PDGFD: variants seen among roughly 807,000 people sequenced by gnomAD.
The protein encoded by PDGFD is platelet-derived growth factor D.
In PDGFD, 30 loss-of-function variants were observed where a neutral mutation model predicts 44.7. The ratio of observed to expected loss-of-function variants is 0.67; its 90% CI spans 0.50 to 0.91. The LOEUF (loss-of-function observed/expected upper bound fraction) is 0.91. Ranked by LOEUF, PDGFD falls within the 40% of genes least tolerant of loss-of-function variation. The probability of loss-of-function intolerance (pLI) is 0.00; values close to 1 mark genes in which losing one functional copy is unlikely to be tolerated. For missense variants in PDGFD, 445 were observed against 457.8 expected, an observed-to-expected ratio of 0.97 and a Z score of 0.25; for synonymous variants, 173 against 168.4, an observed-to-expected ratio of 1.03 and a Z score of -0.21.
chr11:104,087,018 A>C (rs915277482), intron 1 of PDGFD, among the ~76,000 whole-genome samples: 23 of 108,372 alleles, frequency 2.1e-4, no homozygotes, highest in African/African-American at 7.7e-4. Context: ...CTAGGCTCTT[A>C]GTCTTTTTTT....
intron 3 of PDGFD, among the ~76,000 whole-genome samples, chr11:103,971,372 C>T (rs1859099258): frequency 6.6e-6 from 1 of 152,142 alleles, no homozygotes; most frequent in Non-Finnish European, 1.5e-5. Context: ...CAGAAACTTT[C>T]ATATTTATTG....
At chr11:104,162,504 A>C (rs1478092037) in intron 1 of PDGFD, among the ~76,000 whole-genome samples, 3 of 152,198 alleles carry the variant, frequency 2.0e-5, no homozygotes, top group Non-Finnish European at 2.9e-5. Context: ...ACTAAGACAG[A>C]GAGTTACCAA....
chr11:103,920,731 A>C (rs1457532133), intron 6 of PDGFD, among the ~76,000 whole-genome samples: 1 of 152,244 alleles, frequency 6.6e-6, no homozygotes, highest in Non-Finnish European at 1.5e-5. Flanking sequence ...TCATTCACCC[A>C]GTATCCCCAG....
At chr11:104,003,548 G>A (rs1164816156) in intron 1 of PDGFD, among the ~76,000 whole-genome samples, 1 of 152,242 alleles carries the variant, frequency 6.6e-6, no homozygotes, top group Non-Finnish European at 1.5e-5. Flanking sequence ...AGAAAGGAAT[G>A]TAAAAGTATT....
At chr11:104,058,459 C>G (rs1421053271) in intron 1 of PDGFD, among the ~76,000 whole-genome samples, 1 of 152,118 alleles carries the variant, frequency 6.6e-6, no homozygotes, top group Admixed American at 6.6e-5. Flanking sequence ...CAAAACACAT[C>G]CACTAAAAAG....
intron 3 of PDGFD, among the ~76,000 whole-genome samples, chr11:103,982,693 A>G (rs540166464): frequency 2.2e-4 from 34 of 151,938 alleles, no homozygotes; most frequent in Non-Finnish European, 2.6e-4. Flanking sequence ...AAAGCTTTTT[A>G]CATTGATAAA....
At chr11:104,011,081 T>G (rs934159608) in intron 1 of PDGFD, among the ~76,000 whole-genome samples, 6 of 152,142 alleles carry the variant, frequency 3.9e-5, no homozygotes, top group Non-Finnish European at 8.8e-5. Context: ...TTATAAATAT[T>G]GTCAATAATG....
intron 1 of PDGFD, among the ~76,000 whole-genome samples, chr11:104,131,980 A>G (rs1465383517): frequency 2.1e-5 from 3 of 141,680 alleles, no homozygotes; most frequent in Admixed American, 2.0e-4. Context: ...TAAAAAACAA[A>G]ACAAAACAAA....
At chr11:104,014,568 T>C (rs1257971971) in intron 1 of PDGFD, among the ~76,000 whole-genome samples, 2 of 152,180 alleles carry the variant, frequency 1.3e-5, no homozygotes, top group Non-Finnish European at 2.9e-5. Context: ...TAATCTAGAA[T>C]CTTTTTTTCA....
chr11:103,967,334 T>C (rs1859035591), intron 3 of PDGFD, among the ~76,000 whole-genome samples: 1 of 152,188 alleles, frequency 6.6e-6, no homozygotes, highest in Admixed American at 6.5e-5. Context: ...TTCTGGATAA[T>C]GTCAGTGTCC....
At chr11:104,156,699 G>A (rs1237936303) in intron 1 of PDGFD, among the ~76,000 whole-genome samples, 2 of 152,104 alleles carry the variant, frequency 1.3e-5, no homozygotes, top group African/African-American at 4.8e-5. Context: ...CATACCAGAG[G>A]GAAGATGAAG....
At chr11:104,144,948 C>G (rs1012186158) in intron 1 of PDGFD, among the ~76,000 whole-genome samples, 1 of 152,120 alleles carries the variant, frequency 6.6e-6, no homozygotes. Flanking sequence ...TAGTAAGATA[C>G]AACTTTTACT....
At chr11:103,911,252 C>T (rs572313527) in intron 6 of PDGFD, among the ~76,000 whole-genome samples, 70 of 152,260 alleles carry the variant, frequency 4.6e-4, no homozygotes, top group African/African-American at 1.6e-3. Flanking sequence ...AGGCTGCCTC[C>T]TCAAGTGGGT....
intron 5 of PDGFD, among the ~76,000 whole-genome samples, chr11:103,930,987 C>T (rs922967515): frequency 6.6e-6 from 1 of 152,108 alleles, no homozygotes; most frequent in East Asian, 1.9e-4. Flanking sequence ...CTCCTTGAAC[C>T]CTTTCTTGCC....
At chr11:103,929,008 A>C (rs994011886) in intron 5 of PDGFD, among the ~76,000 whole-genome samples, 2 of 152,142 alleles carry the variant, frequency 1.3e-5, no homozygotes, top group African/African-American at 4.8e-5. Context: ...CGGAGGACTA[A>C]AGAGGTACAA....
In PDGFD at chr11:104,132,011, T is replaced by C. The variant is rs190648334; in HGVS notation, c.124+31793A>G. Among the ~76,000 whole-genome samples, 3 of 151,800 alleles carry C rather than the reference T, an allele frequency of 2.0e-5. No individual in the cohort carries two copies. In the East Asian group the frequency reaches 5.8e-4, roughly 29 times the overall value. On this transcript the variant is annotated intron_variant, in intron 1 of 6. Transcript: ENST00000393158. ...ACAAAACAAAACAAAAAAAACACTA[T>C]CCCCTTCAGGCTCAGGAAATCTTGA...
chr11:103,982,941 T>G (rs541118221), intron 3 of PDGFD, among the ~76,000 whole-genome samples: 1 of 151,816 alleles, frequency 6.6e-6, no homozygotes, highest in South Asian at 2.1e-4. Context: ...TGGAAAAACA[T>G]TCCATGCTCA....
intron 3 of PDGFD, among the ~76,000 whole-genome samples, chr11:103,987,071 C>A (rs538564398): frequency 2.0e-5 from 3 of 151,060 alleles, no homozygotes; most frequent in South Asian, 2.1e-4. Flanking sequence ...TCCAACCCCC[C>A]CCCACCCCAA....
At chr11:104,103,448 A>ATGTGTGTGTGTGTGTGTG (rs377722057) in intron 1 of PDGFD, among the ~76,000 whole-genome samples, 6 of 123,140 alleles carry the variant, frequency 4.9e-5, no homozygotes, top group East Asian at 2.4e-4. Context: ...ACAGACAATT[A>ATGTGTGTGTGTGTGTGTG]TGTGTGTGTG....
Sources: gnomAD v4.1 joint callset for allele counts (sites outside exome capture counted in the v4.1 genomes callset) on GRCh38, gnomAD v4.1.1 for gene constraint, MANE v1.5 for transcripts, NCBI Gene and HGNC (gene_info 2026-07-23, HGNC 2026-07-21) for gene names.